Variants in BPTF observed in about 807,000 individuals in gnomAD.
BPTF encodes bromodomain PHD finger transcription factor.
In BPTF, 18 loss-of-function variants were observed where a neutral mutation model predicts 292.5. The ratio of observed to expected loss-of-function variants is 0.06; its 90% CI spans 0.04 to 0.09. The LOEUF (loss-of-function observed/expected upper bound fraction) is 0.09. Among genes scored for constraint, BPTF ranks in the 10% least tolerant of loss-of-function variants. BPTF has a pLI of 1.00. For missense variants in BPTF, 2,726 were observed against 3,498.7 expected, an observed-to-expected ratio of 0.78 and a Z score of 5.57; for synonymous variants, 1,225 against 1,251.9, an observed-to-expected ratio of 0.98 and a Z score of 0.45.
chr17:67,880,668 G>T (rs1209238843), intron 4 of BPTF, among the ~76,000 whole-genome samples: 1 of 151,992 alleles, frequency 6.6e-6, no homozygotes, highest in Non-Finnish European at 1.5e-5. Flanking sequence ...ACAGGGTCTT[G>T]CTCTGTTACC....
chr17:67,952,265 CTTTT>C (rs56131244), intron 23 of BPTF, among the ~76,000 whole-genome samples: 1 of 93,730 alleles, frequency 1.1e-5, no homozygotes, highest in Non-Finnish European at 2.4e-5. Flanking sequence ...TTTTAATAGG[CTTTT>C]TTTTTTTTTT....
intron 4 of BPTF, among the ~76,000 whole-genome samples, chr17:67,879,395 C>T (rs532318557): frequency 2.2e-4 from 34 of 152,326 alleles, no homozygotes; most frequent in East Asian, 5.8e-4. Context: ...CCGCCTCAGC[C>T]TCCCAAAGTG....
chr17:67,915,154 A>G (rs1453944255), intron 11 of BPTF, among the ~76,000 whole-genome samples: 5 of 152,216 alleles, frequency 3.3e-5, no homozygotes, highest in African/African-American at 1.2e-4. Context: ...GCTGAGCAAT[A>G]TTGGAAAACT....
At chr17:67,920,910 A>G (rs984136329) in intron 13 of BPTF, among the ~76,000 whole-genome samples, 5 of 152,086 alleles carry the variant, frequency 3.3e-5, no homozygotes, top group African/African-American at 1.2e-4. Flanking sequence ...AAAACCTAGT[A>G]AGAAATATAT....
intron 9 of BPTF, among the ~76,000 whole-genome samples, chr17:67,907,410 C>T (rs2062298527): frequency 6.7e-6 from 1 of 149,908 alleles, no homozygotes; most frequent in Admixed American, 6.7e-5. Flanking sequence ...GGCTAGAGTG[C>T]AGTGGCATGG....
At chr17:67,942,143 C>G (rs1166011196) in intron 19 of BPTF, among the ~76,000 whole-genome samples, 2 of 152,028 alleles carry the variant, frequency 1.3e-5, no homozygotes, top group African/African-American at 4.8e-5. Context: ...TGGGGAAACC[C>G]CGTTTCTACT....
intron 1 of BPTF, among the ~76,000 whole-genome samples, chr17:67,833,477 C>T (rs1269805227): frequency 6.6e-6 from 1 of 152,128 alleles, no homozygotes; most frequent in South Asian, 2.1e-4. Context: ...TGAGCACATT[C>T]GTGTACATGT....
chr17:67,829,370 G>A (rs990241905), intron 1 of BPTF, among the ~76,000 whole-genome samples: 2 of 151,902 alleles, frequency 1.3e-5, no homozygotes, highest in Admixed American at 6.6e-5. Flanking sequence ...AAAAAAAACG[G>A]GATACATGTG....
intron 23 of BPTF, among the ~76,000 whole-genome samples, chr17:67,954,836 A>G (rs1397889585): frequency 7.9e-5 from 12 of 152,212 alleles, no homozygotes; most frequent in African/African-American, 2.7e-4. Flanking sequence ...TTTCTAACCT[A>G]GGAAGAAGTT....
chr17:67,974,518 G>C (rs782572192), intron 26 of BPTF: 1 of 152,220 alleles, frequency 6.6e-6, no homozygotes, highest in Non-Finnish European at 1.5e-5. Context: ...CAGTCCCCAA[G>C]ATTACCCCCT....
At chr17:67,858,146 C>T (rs967079104) in intron 2 of BPTF, among the ~76,000 whole-genome samples, 1 of 152,220 alleles carries the variant, frequency 6.6e-6, no homozygotes, top group African/African-American at 2.4e-5. Flanking sequence ...TGAAATCTGT[C>T]ACCTTAACCC....
At chr17:67,905,196 G>GGTC (rs2062095603) in intron 9 of BPTF, among the ~76,000 whole-genome samples, 1 of 151,974 alleles carries the variant, frequency 6.6e-6, no homozygotes, top group Non-Finnish European at 1.5e-5. Flanking sequence ...GATTACTTGA[G>GGTC]GTCAGGAGTT....
rs185867720 is a variant in BPTF, at chr17:67,838,507, C to T, written c.613+12170C>T. ...TACTTTTTTTTTTGAGCTGGAGTAT[C>T]GCTCTGTCACCCAAGCTGGAGTGCA... is the stretch of plus-strand genomic sequence containing the variant. On this transcript the variant is annotated intron_variant, in intron 1 of 27. Coordinates refer to ENST00000306378, the MANE Select transcript of BPTF (RefSeq NM_182641.4). Among the ~76,000 whole-genome samples, 61 of 152,012 alleles carry T rather than the reference C, an allele frequency of 4.0e-4. 1 individual carries two copies. The highest frequency in any genetic ancestry group is 3.1e-3 in the East Asian group (16 of 5,182).
intron 14 of BPTF, among the ~76,000 whole-genome samples, chr17:67,923,802 TG>T (rs1484799170): frequency 6.6e-6 from 1 of 151,700 alleles, no homozygotes; most frequent in African/African-American, 2.4e-5. Flanking sequence ...TTTAATGTGT[TG>T]TCCATTTGTC....
intron 4 of BPTF, among the ~76,000 whole-genome samples, chr17:67,880,028 GTTCA>G (rs1273031871): frequency 6.6e-6 from 1 of 151,910 alleles, no homozygotes; most frequent in Non-Finnish European, 1.5e-5. Flanking sequence ...GTTTTCTTAG[GTTCA>G]TTTTCTTTAA....
chr17:67,976,703 A>AT (rs1555694104), intron 27 of BPTF, among the ~76,000 whole-genome samples: 6 of 139,432 alleles, frequency 4.3e-5, no homozygotes, highest in Admixed American at 1.5e-4. Flanking sequence ...AAAAAAAAAA[A>AT]AAAAAAAAAA....
chr17:67,931,998 A>T lies in BPTF; in HGVS notation c.6238A>T (p.Thr2080Ser), dbSNP rs775719215. ...QSTLGKAIIR[T>S]PVMVQPGAPQ... ...AACACTAGGAAAGGCAATTATTCGAACACCTGTGATGGTACAGCCAGGTAT... is the reference window on the plus strand; with the variant it reads ...AACACTAGGAAAGGCAATTATTCGATCACCTGTGATGGTACAGCCAGGTAT... Residue 2080 changes from threonine to serine, a missense_variant, in exon 18 of 28, where the codon ACA becomes TCA. By Grantham distance (58) the Thr-to-Ser change is moderately conservative. Transcript: ENST00000306378. 6.2e-7 allele frequency: 1 copy of T among 1,613,958 alleles called. No individual in the cohort carries two copies. Among genetic ancestry groups the T allele is most frequent in the East Asian group, 2.2e-5 (1 of 44,868 alleles).
chr17:67,864,064 TGGTA>T (rs2059246164), intron 2 of BPTF, among the ~76,000 whole-genome samples: 1 of 152,108 alleles, frequency 6.6e-6, no homozygotes. Flanking sequence ...CTGAGGAACA[TGGTA>T]GGCCTTGTAA....
At chr17:67,899,719 T>C (rs2061694810) in intron 7 of BPTF, among the ~76,000 whole-genome samples, 1 of 151,810 alleles carries the variant, frequency 6.6e-6, no homozygotes, top group Admixed American at 6.6e-5. Flanking sequence ...TTAGTAGAGA[T>C]GGGGTTTCAC....
Sources: gnomAD v4.1 joint callset for allele counts (sites outside exome capture counted in the v4.1 genomes callset) on GRCh38, gnomAD v4.1.1 for gene constraint, MANE v1.5 for transcripts, NCBI Gene and HGNC (gene_info 2026-07-23, HGNC 2026-07-21) for gene names.